The following SP2 variants were observed in gnomAD, a reference collection of about 807,000 sequenced individuals.
SP2 encodes Sp2 transcription factor, also known as transcription factor Sp2.
In SP2, 9 loss-of-function variants were observed where a neutral mutation model predicts 50.1. The ratio of observed to expected loss-of-function variants is 0.18; its 90% CI spans 0.11 to 0.31. The LOEUF is 0.31. Ranked by LOEUF, SP2 falls within the 10% of genes least tolerant of loss-of-function variation. SP2 has a pLI of 1.00. For synonymous variants in SP2, 313 were observed against 326.6 expected, an observed-to-expected ratio of 0.96 and a Z score of 0.45; for missense variants, 581 against 806.5, an observed-to-expected ratio of 0.72 and a Z score of 3.39.
At position 47,925,397 on chromosome 17, in the gene SP2, G is replaced by A. The variant is rs1421820653; in HGVS notation, c.1597G>A (p.Gly533Ser). Reference protein sequence around the residue: ...KKHVCHIPDCGKTFRKTSLLR... With the variant: ...KKHVCHIPDCSKTFRKTSLLR... ...GCACGTGTGCCACATCCCCGACTGT[G>A]GCAAGACGTTCCGTAAGACGTCCTT... Residue 533 changes from glycine to serine, a missense_variant, in exon 6 of 7, where the codon GGC becomes AGC. Around this residue, in one of 2 missense-constraint regions of SP2, gnomAD observed 184 missense variants for 315.5 expected, o/e 0.58. Coordinates refer to ENST00000376741, the MANE Select transcript of SP2 (RefSeq NM_003110.6). 1.2e-6 allele frequency: 2 copies of A among 1,614,212 alleles called. No individual in the cohort carries two copies. Among genetic ancestry groups the A allele is most frequent in the Admixed American group, 1.7e-5 (1 of 60,026 alleles).
At chr17:47,925,152 G>A (rs2035597615) in intron 5 of SP2, 59 bp downstream of exon 5, 1 of 1,536,736 alleles carries the variant, frequency 6.5e-7, no homozygotes. Context: ...AGCCCCTCCT[G>A]GACAGTTGTC....
chr17:47,917,281 C>A (rs1304850197), intron 3 of SP2, 151 bp downstream of exon 3: 8 of 706,644 alleles, frequency 1.1e-5, no homozygotes, highest in Admixed American at 5.6e-5. Context: ...TTCTACCTGA[C>A]AAATGGGCTC....
At chr17:47,922,891 C>A in intron 3 of SP2, 71 bp from the exon 4 acceptor site, 1 of 1,392,962 alleles carries the variant, frequency 7.2e-7, no homozygotes. Flanking sequence ...CTCACTTGGG[C>A]AGGGACATTT....
intron 1 of SP2, among the ~76,000 whole-genome samples, chr17:47,912,046 C>T (rs944419004): frequency 7.9e-5 from 12 of 152,108 alleles, no homozygotes; most frequent in Non-Finnish European, 1.3e-4. Flanking sequence ...AGCCAGATGC[C>T]TGTTGAAATA....
At chr17:47,915,455 C>A in intron 2 of SP2, 67 bp downstream of exon 2, 1 of 979,334 alleles carries the variant, frequency 1.0e-6, no homozygotes, top group Non-Finnish European at 1.6e-6. Context: ...CGAAAACACT[C>A]TCTCTTCACT....
chr17:47,903,084 A>G (rs2034608473), intron 1 of SP2, among the ~76,000 whole-genome samples: 2 of 152,198 alleles, frequency 1.3e-5, no homozygotes, highest in African/African-American at 4.8e-5. Context: ...GATGCCTATT[A>G]ATACATCCAA....
At position 47,925,058 on chromosome 17, in the gene SP2, C is replaced by T. The variant is rs1034704199; in HGVS notation, c.1512C>T (p.Ala504=). Residue 504 remains alanine (A), a synonymous_variant, in exon 5 of 7, where the codon GCC becomes GCT. Transcript: ENST00000376741. ...CCGGGGAGAAGCGGCGCCGCATGGC[C>T]TGCACGTGTCCCAACTGCAAGGATG... ...TQPGEKRRRM[A]CTCPNCKDGE... is the part of the protein sequence containing the mutation. 4 of 1,613,558 alleles carry T rather than the reference C, an allele frequency of 2.5e-6. No homozygotes were observed. The highest frequency in any genetic ancestry group is 2.5e-6 in the Non-Finnish European group (3 of 1,179,664).
rs550005975 is a variant in SP2, at chr17:47,913,140, C to T, written c.8-2172C>T. Among the ~76,000 whole-genome samples, 13 of 152,214 alleles carry T rather than the reference C, an allele frequency of 8.5e-5. No homozygotes were observed. In the South Asian group the frequency reaches 1.5e-3, roughly 17 times the overall value. On this transcript the variant is annotated intron_variant, in intron 1 of 6. Transcript: ENST00000376741. ...CCTCCCAAAGTGCTAGGATTACAGG[C>T]GTGAACCACCACACCCAGCCCAATA...
chr17:47,923,225 C>T lies in SP2; in HGVS notation c.1323C>T (p.Ile441=). 6.2e-7 allele frequency: 1 copy of T among 1,611,358 alleles called. No homozygotes were observed. Among genetic ancestry groups the T allele is most frequent in the Non-Finnish European group, 8.5e-7 (1 of 1,180,000 alleles). Reference sequence around the variant, plus strand: ...CCCAGGCAATGCAGACCATCAACATCAATGGTGTCCAGGTCCAGGGCGTGC... The same window carrying T: ...CCCAGGCAATGCAGACCATCAACATTAATGGTGTCCAGGTCCAGGGCGTGC... The part of the protein sequence containing the change: ...AAAQAMQTIN[I]NGVQVQGVPV... Residue 441 remains isoleucine (I), a synonymous_variant, in exon 4 of 7, where the codon ATC becomes ATT. Transcript: ENST00000376741.
intron 3 of SP2, chr17:47,918,653 A>G (rs985794636): frequency 2.6e-5 from 4 of 152,192 alleles, no homozygotes; most frequent in Non-Finnish European, 5.9e-5. Flanking sequence ...TAACATCCCA[A>G]CATGCTGATT....
chr17:47,910,555 C>T (rs2034942952), intron 1 of SP2, among the ~76,000 whole-genome samples: 1 of 152,128 alleles, frequency 6.6e-6, no homozygotes, highest in South Asian at 2.1e-4. Context: ...GATCTAGCTC[C>T]TATAAAGTTC....
At chr17:47,904,001 G>T (rs565735771) in intron 1 of SP2, among the ~76,000 whole-genome samples, 2 of 151,094 alleles carry the variant, frequency 1.3e-5, no homozygotes, top group Admixed American at 1.3e-4. Flanking sequence ...AGTGGCTCAT[G>T]CCTGTAATCC....
intron 1 of SP2, among the ~76,000 whole-genome samples, chr17:47,909,383 A>G (rs567630328): frequency 6.6e-6 from 1 of 152,176 alleles, no homozygotes; most frequent in South Asian, 2.1e-4. Flanking sequence ...TCTGCCCTAT[A>G]TGCATGTGAT....
intron 3 of SP2, among the ~76,000 whole-genome samples, chr17:47,919,035 A>G (rs2035329860): frequency 6.6e-6 from 1 of 152,204 alleles, no homozygotes; most frequent in Admixed American, 6.6e-5. Flanking sequence ...GCATACACAC[A>G]CACACACAAA....
intron 6 of SP2, among the ~76,000 whole-genome samples, chr17:47,926,320 T>TG (rs1567705230): frequency 6.6e-6 from 1 of 150,766 alleles, no homozygotes; most frequent in East Asian, 2.0e-4. Context: ...TTTTTGTTTT[T>TG]TTTTTTTTTT....
intron 1 of SP2, among the ~76,000 whole-genome samples, chr17:47,906,267 G>C (rs1598113172): frequency 6.6e-6 from 1 of 152,286 alleles, no homozygotes. Flanking sequence ...CTTGATGATT[G>C]GTTGGCAGTG....
In SP2 at chr17:47,925,467, T is replaced by C. The variant is rs757462054; in HGVS notation, c.1667T>C (p.Val556Ala). Reference protein sequence around the residue: ...VRLHTGERPFVCNWFFCGKRF... With the variant: ...VRLHTGERPFACNWFFCGKRF... ...CTGCACACTGGCGAGCGGCCCTTTG[T>C]CTGCAACTGGTTCTTCTGTGGGAAG... Residue 556 changes from valine to alanine, a missense_variant, in exon 6 of 7, where the codon GTC becomes GCC. Val to Ala is a moderately conservative substitution (Grantham distance 64). Around this residue, in one of 2 missense-constraint regions of SP2, gnomAD observed 184 missense variants for 315.5 expected, o/e 0.58. Coordinates refer to ENST00000376741, the MANE Select transcript of SP2 (RefSeq NM_003110.6). 1.2e-5 allele frequency: 19 copies of C among 1,614,100 alleles called. No individual in the cohort carries two copies. The highest frequency in any genetic ancestry group is 2.2e-5 in the East Asian group (1 of 44,898).
At chr17:47,923,498 T>G (rs2035537362) in intron 4 of SP2, among the ~76,000 whole-genome samples, 1 of 152,348 alleles carries the variant, frequency 6.6e-6, no homozygotes. Flanking sequence ...AGAAGATAGA[T>G]GTACTCGGAA....
chr17:47,917,586 T>G, intron 3 of SP2, among the ~76,000 whole-genome samples: 1 of 151,404 alleles, frequency 6.6e-6, no homozygotes, highest in East Asian at 1.9e-4. Flanking sequence ...CAGGAATATT[T>G]AGGCTAGATT....
Sources: gnomAD v4.1 joint callset for allele counts (sites outside exome capture counted in the v4.1 genomes callset) on GRCh38, gnomAD v4.1.1 for gene constraint, gnomAD v4.1.1 regional missense constraint, MANE v1.5 for transcripts, NCBI Gene and HGNC (gene_info 2026-07-23, HGNC 2026-07-21) for gene names.